Variants in ROBO1 observed in about 807,000 individuals in gnomAD.
ROBO1 encodes the protein roundabout homolog 1.
A neutral mutation model predicts 195.9 loss-of-function variants in ROBO1; 149 were observed. That is an observed-to-expected ratio of 0.76 (90% CI 0.67 to 0.87). The LOEUF is 0.87. Ranked by LOEUF, ROBO1 falls within the 40% of genes least tolerant of loss-of-function variation. The probability of loss-of-function intolerance (pLI) is 0.00; values close to 1 mark genes in which losing one functional copy is unlikely to be tolerated. For missense variants in ROBO1, 1,933 were observed against 2,068.3 expected, an observed-to-expected ratio of 0.93 and a Z score of 1.27; for synonymous variants, 816 against 733.2, an observed-to-expected ratio of 1.11 and a Z score of -1.82.
chr3:79,389,681 A>G (rs1184075393), intron 2 of ROBO1, among the ~76,000 whole-genome samples: 2 of 152,138 alleles, frequency 1.3e-5, no homozygotes, highest in East Asian at 1.9e-4. Flanking sequence ...CCATGATCCA[A>G]TTTTGGAGAA....
chr3:78,655,807 G>A (rs932408766), intron 18 of ROBO1, among the ~76,000 whole-genome samples: 4 of 152,042 alleles, frequency 2.6e-5, no homozygotes, highest in African/African-American at 9.7e-5. Context: ...GATCCTTTTT[G>A]ATGATTTAAC....
chr3:78,881,781 C>G (rs2036197774), intron 4 of ROBO1, among the ~76,000 whole-genome samples: 1 of 152,160 alleles, frequency 6.6e-6, no homozygotes, highest in Non-Finnish European at 1.5e-5. Flanking sequence ...AGTTGTTTCA[C>G]TAGAAATTCC....
chr3:79,188,271 T>C (rs2081476885), intron 2 of ROBO1, among the ~76,000 whole-genome samples: 1 of 151,906 alleles, frequency 6.6e-6, no homozygotes, highest in Non-Finnish European at 1.5e-5. Context: ...GTCCTTAATG[T>C]GGAGAGGAAA....
At chr3:78,967,663 C>T (rs761998995) in intron 3 of ROBO1, among the ~76,000 whole-genome samples, 1 of 151,918 alleles carries the variant, frequency 6.6e-6, no homozygotes, top group Non-Finnish European at 1.5e-5. Context: ...GCTGTAGGGC[C>T]GGTCCCTTAT....
At chr3:79,645,865 A>AT (rs1945807021) in intron 1 of ROBO1, among the ~76,000 whole-genome samples, 1 of 152,062 alleles carries the variant, frequency 6.6e-6, no homozygotes, top group South Asian at 2.1e-4. Flanking sequence ...AGAACATACA[A>AT]TGTATAACCA....
intron 1 of ROBO1, among the ~76,000 whole-genome samples, chr3:79,674,942 T>A (rs1560090249): frequency 6.6e-6 from 1 of 151,882 alleles, no homozygotes; most frequent in Non-Finnish European, 1.5e-5. Flanking sequence ...TACACACAGA[T>A]CCAGTCTTTT....
At chr3:79,506,242 G>A (rs915721360) in intron 2 of ROBO1, among the ~76,000 whole-genome samples, 1 of 152,092 alleles carries the variant, frequency 6.6e-6, no homozygotes, top group African/African-American at 2.4e-5. Context: ...GAAATAGATA[G>A]TAAGTGGAGG....
chr3:78,606,496 T>A (rs1332690931), intron 29 of ROBO1, among the ~76,000 whole-genome samples: 1 of 152,198 alleles, frequency 6.6e-6, no homozygotes, highest in East Asian at 1.9e-4. Context: ...CTTTAACCTG[T>A]GGAAATCATG....
At chr3:79,656,861 C>T (rs6548644) in intron 1 of ROBO1, among the ~76,000 whole-genome samples, 41,167 of 151,514 alleles carry the variant, frequency 0.27, 6,805 homozygotes, top group East Asian at 0.5. Flanking sequence ...TGTGCCACTG[C>T]ACTCTGGCTT....
chr3:79,474,602 C>T (rs1446515599), intron 2 of ROBO1, among the ~76,000 whole-genome samples: 1 of 151,900 alleles, frequency 6.6e-6, no homozygotes, highest in African/African-American at 2.4e-5. Context: ...TTAGGAGGGC[C>T]ACACATAAAT....
At chr3:79,221,254 A>G (rs1359609938) in intron 2 of ROBO1, among the ~76,000 whole-genome samples, 3 of 152,148 alleles carry the variant, frequency 2.0e-5, no homozygotes, top group Non-Finnish European at 4.4e-5. Context: ...ACTACATTAT[A>G]TACATCATCA....
chr3:78,839,055 G>T (rs905841628), intron 4 of ROBO1, among the ~76,000 whole-genome samples: 4 of 151,940 alleles, frequency 2.6e-5, no homozygotes, highest in African/African-American at 9.7e-5. Context: ...CATTTTTTAG[G>T]TCTATCATTT....
rs555350724 is a variant in ROBO1 at position 79,065,320 on chromosome 3, A to G, written c.172+60136T>C. ...GTCTTGAGTAAGGAAGAGAGGAGACACAGGTGTAATGTAGAAAAGACTCAG... is the reference window on the plus strand; with the variant it reads ...GTCTTGAGTAAGGAAGAGAGGAGACGCAGGTGTAATGTAGAAAAGACTCAG... On this transcript the variant is annotated intron_variant, in intron 3 of 30. Coordinates refer to ENST00000464233, the MANE Select transcript of ROBO1 (RefSeq NM_002941.4). Among the ~76,000 whole-genome samples the G allele has an allele frequency of 8.3e-4, 127 of 152,118 alleles. 1 individual carries two copies. In the South Asian group the frequency reaches 0.015, roughly 17 times the overall value.
chr3:78,667,012 T>G (rs1438061415), intron 14 of ROBO1, among the ~76,000 whole-genome samples: 4 of 152,160 alleles, frequency 2.6e-5, no homozygotes, highest in Non-Finnish European at 5.9e-5. Context: ...AACAAGCACA[T>G]TTTATTTACA....
intron 2 of ROBO1, among the ~76,000 whole-genome samples, chr3:79,576,842 A>G (rs1157255639): frequency 6.6e-6 from 1 of 152,192 alleles, no homozygotes; most frequent in East Asian, 1.9e-4. Context: ...CCCTATGGTC[A>G]TTATAAATTA....
chr3:78,680,306 G>A (rs2080864247), intron 10 of ROBO1, among the ~76,000 whole-genome samples: 1 of 152,046 alleles, frequency 6.6e-6, no homozygotes, highest in South Asian at 2.1e-4. Context: ...CAAAAGCAAT[G>A]GCAACAAAAG....
intron 4 of ROBO1, among the ~76,000 whole-genome samples, chr3:78,802,254 C>T (rs1188660079): frequency 6.6e-6 from 1 of 152,136 alleles, no homozygotes; most frequent in African/African-American, 2.4e-5. Flanking sequence ...CTATATCAAA[C>T]TAATTTTACA....
intron 2 of ROBO1, among the ~76,000 whole-genome samples, chr3:79,337,660 C>G (rs903783189): frequency 6.6e-6 from 1 of 152,172 alleles, no homozygotes; most frequent in African/African-American, 2.4e-5. Context: ...CTTTCTCACA[C>G]CCTATCACAT....
In ROBO1 at chr3:78,885,462, T is replaced by A. The variant is rs1228444489; in HGVS notation, c.499+53139A>T. The stretch of plus-strand genomic sequence containing the variant: ...AAAAAACTGAGAGTTCTCAAAAATA[T>A]TTCTCTTGAAATAAAAGTTCCCCAA... On this transcript the variant is annotated intron_variant, in intron 4 of 30. Transcript: ENST00000464233. 3.9e-5 allele frequency among the ~76,000 whole-genome samples: 5 copies of A among 128,160 alleles called. No individual in the cohort carries two copies. The East Asian group carries it at 1.3e-3, about 32-fold the overall frequency. The allele number at this position is 128,160 out of a possible 152,430, so 84.1% of individuals were successfully genotyped here. A position where few individuals can be genotyped will look rare whatever the true frequency, so the allele number is the denominator to read the frequency against.
Sources: gnomAD v4.1 joint callset for allele counts (sites outside exome capture counted in the v4.1 genomes callset) on GRCh38, gnomAD v4.1.1 for gene constraint, MANE v1.5 for transcripts, NCBI Gene and HGNC (gene_info 2026-07-23, HGNC 2026-07-21) for gene names.